TAMM41: variants seen among roughly 807,000 people sequenced by gnomAD.
TAMM41 encodes phosphatidate cytidylyltransferase, mitochondrial.
TAMM41 carries 36 observed loss-of-function variants against 44.1 expected under a neutral mutation model. That is an observed-to-expected ratio of 0.82 (90% CI 0.63 to 1.08). TAMM41 has a LOEUF of 1.08. TAMM41 is among the 50% of genes least tolerant of loss of function. The pLI is 0.00. For synonymous variants in TAMM41, 164 were observed against 153.1 expected (o/e 1.07, Z -0.53); for missense variants, 417 against 404.3 (o/e 1.03, Z -0.27).
At chr3:11,830,047 G>A (rs181094838) in intron 3 of TAMM41, 183 bp from the exon 4 acceptor site, 2 of 550,006 alleles carry the variant, frequency 3.6e-6, no homozygotes, top group Non-Finnish European at 6.4e-6. Flanking sequence ...TTTATGCCAA[G>A]GTCAAAGAAA....
At chr3:11,830,739 T>C (rs1003376529) in intron 3 of TAMM41, 1 of 152,038 alleles carries the variant, frequency 6.6e-6, no homozygotes, top group African/African-American at 2.4e-5. Context: ...GGCACAGTGA[T>C]GCACATGTGT....
chr3:11,815,020 A>C (rs1250942489), intron 5 of TAMM41, among the ~76,000 whole-genome samples: 1 of 152,186 alleles, frequency 6.6e-6, no homozygotes, highest in African/African-American at 2.4e-5. Flanking sequence ...CTGAATAATG[A>C]ATGGAAAACA....
intron 6 of TAMM41, chr3:11,809,304 G>A (rs888633620): frequency 1.7e-6 from 1 of 572,282 alleles, no homozygotes; most frequent in East Asian, 3.2e-5. Flanking sequence ...TTAGGATCCA[G>A]GAATTTAAAA....
At chr3:11,760,432 G>C in the TAMM41 span, among the ~76,000 whole-genome samples, 2 of 152,092 alleles carry the variant, frequency 1.3e-5, no homozygotes, top group Non-Finnish European at 2.9e-5. Flanking sequence ...GCATTTGCTT[G>C]TTTTTCTAAT....
At chr3:11,750,964 T>C in the TAMM41 span, among the ~76,000 whole-genome samples, 1 of 143,116 alleles carries the variant, frequency 7.0e-6, no homozygotes, top group African/African-American at 2.6e-5. Context: ...CTGGATAATG[T>C]CTAGCCTGGA....
chr3:11,775,910 C>T, the TAMM41 span, among the ~76,000 whole-genome samples: 1 of 152,008 alleles, frequency 6.6e-6, no homozygotes, highest in South Asian at 2.1e-4. Flanking sequence ...TTTCAGTGTC[C>T]CCATGAACTC....
rs557366851 is a variant in TAMM41 at position 11,833,285 on chromosome 3, T to C, written c.412-3421A>G. 14 of 615,286 alleles carry C rather than the reference T, an allele frequency of 2.3e-5. No individual in the cohort carries two copies. In the South Asian group the frequency reaches 5.1e-4, roughly 23 times the overall value. The allele number at this position is 615,286 out of a possible 1,614,324, so 38.1% of individuals were successfully genotyped here. A position where few individuals can be genotyped will look rare whatever the true frequency, so the allele number is the denominator to read the frequency against. On this transcript the variant is annotated intron_variant, in intron 3 of 7. Coordinates refer to ENST00000455809, the MANE Select transcript of TAMM41 (RefSeq NM_001284401.2). ...AATCTTTACTGTAGAGAAAGGGGCATTGGCTTAAAGGGACTTTCAAAGGAG... is the reference window on the plus strand; with the variant it reads ...AATCTTTACTGTAGAGAAAGGGGCACTGGCTTAAAGGGACTTTCAAAGGAG...
the TAMM41 span, among the ~76,000 whole-genome samples, chr3:11,734,109 G>A: frequency 6.6e-6 from 1 of 152,184 alleles, no homozygotes; most frequent in Non-Finnish European, 1.5e-5. Context: ...TCCGGGGTGG[G>A]CAGCCACTTC....
At chr3:11,748,252 T>C in the TAMM41 span, among the ~76,000 whole-genome samples, 1 of 147,312 alleles carries the variant, frequency 6.8e-6, no homozygotes, top group African/African-American at 2.5e-5. Context: ...CATATTAATA[T>C]TAATATTTTC....
intron 3 of TAMM41, among the ~76,000 whole-genome samples, chr3:11,832,467 A>G (rs1026360423): frequency 1.3e-5 from 2 of 152,196 alleles, no homozygotes; most frequent in African/African-American, 4.8e-5. Context: ...ATACTAGGCC[A>G]TTTTATATCA....
At chr3:11,784,432 T>G in the TAMM41 span, among the ~76,000 whole-genome samples, 3 of 151,988 alleles carry the variant, frequency 2.0e-5, no homozygotes, top group Non-Finnish European at 4.4e-5. Flanking sequence ...GAGGTGGAGG[T>G]TGCAGTGAGC....
intron 4 of TAMM41, among the ~76,000 whole-genome samples, chr3:11,820,315 A>G (rs1014834124): frequency 1.2e-4 from 18 of 152,202 alleles, no homozygotes; most frequent in African/African-American, 3.9e-4. Flanking sequence ...TTCTTTCTGT[A>G]CATTCCACAA....
intron 3 of TAMM41, among the ~76,000 whole-genome samples, chr3:11,832,758 C>T (rs1024036949): frequency 6.6e-6 from 1 of 152,210 alleles, no homozygotes; most frequent in African/African-American, 2.4e-5. Context: ...CCCCATTCAT[C>T]ACACATCCTT....
At chr3:11,722,293 C>G in the TAMM41 span, among the ~76,000 whole-genome samples, 2 of 152,156 alleles carry the variant, frequency 1.3e-5, no homozygotes, top group African/African-American at 4.8e-5. Context: ...TGACTTAGCT[C>G]TGGCAACATC....
At chr3:11,774,156 T>C in the TAMM41 span, among the ~76,000 whole-genome samples, 4 of 152,300 alleles carry the variant, frequency 2.6e-5, no homozygotes, top group African/African-American at 9.6e-5. Context: ...AAGGAAGCTA[T>C]AATTTCCAGG....
intron 5 of TAMM41, among the ~76,000 whole-genome samples, chr3:11,813,023 C>G (rs977346817): frequency 2.0e-5 from 3 of 152,138 alleles, no homozygotes; most frequent in Admixed American, 2.0e-4. Flanking sequence ...GAAACTGATG[C>G]GAAACTAGAT....
the TAMM41 span, among the ~76,000 whole-genome samples, chr3:11,732,081 G>A: frequency 6.6e-6 from 1 of 151,998 alleles, no homozygotes; most frequent in African/African-American, 2.4e-5. Context: ...TGCCCAGTCT[G>A]GTCTCAAACT....
chr3:11,732,140 T>C, the TAMM41 span, among the ~76,000 whole-genome samples: 1 of 152,198 alleles, frequency 6.6e-6, no homozygotes, highest in Non-Finnish European at 1.5e-5. Context: ...GTGCTGGGAT[T>C]ACAGGTGTGA....
intron 1 of TAMM41, among the ~76,000 whole-genome samples, chr3:11,845,765 C>G (rs1018330172): frequency 6.6e-6 from 1 of 152,026 alleles, no homozygotes; most frequent in Non-Finnish European, 1.5e-5. Context: ...ACGCAGGGGG[C>G]CCCATTAAAA....
Sources: allele counts gnomAD v4.1 joint callset (sites outside exome capture counted in the v4.1 genomes callset), GRCh38; gene constraint gnomAD v4.1.1; transcripts MANE v1.5; gene names NCBI Gene and HGNC (gene_info 2026-07-23, HGNC 2026-07-21).